The following TRHDE variants were observed in gnomAD, a reference collection of about 807,000 sequenced individuals.
The protein encoded by TRHDE is thyrotropin-releasing hormone-degrading ectoenzyme.
A neutral mutation model predicts 125.7 loss-of-function variants in TRHDE; 72 were observed. The observed-to-expected ratio is 0.57, with a 90% CI of 0.47 to 0.70. The LOEUF (loss-of-function observed/expected upper bound fraction) is 0.70. Ranked by LOEUF, TRHDE falls within the 30% of genes least tolerant of loss-of-function variation. The pLI is 0.00. For missense variants in TRHDE, 1,110 were observed against 1,327.1 expected (o/e 0.84, Z 2.54); for synonymous variants, 509 against 509.1 (o/e 1.00, Z 0.00).
At chr12:72,157,053 A>T (rs1053258380) in intron 2 of TRHDE, among the ~76,000 whole-genome samples, 1 of 152,148 alleles carries the variant, frequency 6.6e-6, no homozygotes, top group Non-Finnish European at 1.5e-5. Flanking sequence ...AGCCAAGCCA[A>T]TATCTGGGGG....
chr12:72,099,563 T>C (rs555297675), intron 1 of TRHDE, among the ~76,000 whole-genome samples: 7 of 152,220 alleles, frequency 4.6e-5, no homozygotes, highest in Non-Finnish European at 1.0e-4. Context: ...GACTCAGCTA[T>C]ATATCAAGAA....
intron 2 of TRHDE, among the ~76,000 whole-genome samples, chr12:72,331,315 T>C (rs376301748): frequency 1.2e-3 from 180 of 152,320 alleles, no homozygotes; most frequent in South Asian, 5.2e-3. Flanking sequence ...TCTTTTCATA[T>C]AGCTTGAGTC....
At chr12:72,563,599 T>C (rs1469217051) in intron 9 of TRHDE, among the ~76,000 whole-genome samples, 2 of 152,190 alleles carry the variant, frequency 1.3e-5, no homozygotes, top group East Asian at 1.9e-4. Context: ...AGAATCTTTA[T>C]TTGTTGTTTC....
chr12:72,352,885 G>A (rs1401383084), intron 2 of TRHDE, among the ~76,000 whole-genome samples: 7 of 151,168 alleles, frequency 4.6e-5, no homozygotes, highest in African/African-American at 9.7e-5. Context: ...GAATTATAAT[G>A]CCTTTAAATT....
At position 72,423,941 on chromosome 12, in the gene TRHDE, A is replaced by G. The variant is rs909940865; in HGVS notation, c.1316-45817A>G. Among the ~76,000 whole-genome samples the G allele has an allele frequency of 4.6e-5, 7 of 152,160 alleles. No homozygotes were observed. In the East Asian group the frequency reaches 5.8e-4, roughly 13 times the overall value. ...GGGCCACTAGCTAAGGACCTCTAGA[A>G]GCTGCAAAGAAGACAAGAAACAGAT... On this transcript the variant is annotated intron_variant, in intron 3 of 18. Transcript: ENST00000261180.
In TRHDE at chr12:72,470,544, C is replaced by T. The variant is rs550629495; in HGVS notation, c.1470+632C>T. Among the ~76,000 whole-genome samples the T allele has an allele frequency of 2.9e-4, 44 of 152,252 alleles. 1 individual carries two copies. Among genetic ancestry groups the T allele is most frequent in the South Asian group, 2.1e-4 (1 of 4,828 alleles). ...ACAATGAATGGAAGGTATTAGATTT[C>T]GCAGTGCTTATGTGAATCTTAATTT... On this transcript the variant is annotated intron_variant, in intron 4 of 18. Transcript: ENST00000261180.
chr12:72,427,949 C>T (rs1472763722), intron 3 of TRHDE, among the ~76,000 whole-genome samples: 1 of 152,152 alleles, frequency 6.6e-6, no homozygotes, highest in Non-Finnish European at 1.5e-5. Context: ...CTAGGTCATA[C>T]CTCCAGAAGT....
At chr12:72,607,219 T>C (rs1017245590) in intron 12 of TRHDE, among the ~76,000 whole-genome samples, 21 of 152,172 alleles carry the variant, frequency 1.4e-4, no homozygotes, top group African/African-American at 4.8e-4. Flanking sequence ...CTTTTATGTG[T>C]TCCTCTGTCC....
chr12:72,118,097 T>A (rs1223487285), intron 2 of TRHDE, among the ~76,000 whole-genome samples: 1 of 152,128 alleles, frequency 6.6e-6, no homozygotes, highest in Non-Finnish European at 1.5e-5. Context: ...GGACTTCTAG[T>A]ACTATGTTTA....
At chr12:72,287,092 G>C in intron 2 of TRHDE, 138 bp downstream of exon 2, 1 of 951,340 alleles carries the variant, frequency 1.1e-6, no homozygotes, top group Non-Finnish European at 1.5e-6. Flanking sequence ...CTTATGGGGG[G>C]GTTTTTACAT....
At chr12:72,089,155 T>C (rs1874734545) in intron 1 of TRHDE, among the ~76,000 whole-genome samples, 1 of 152,162 alleles carries the variant, frequency 6.6e-6, no homozygotes. Context: ...TACATCCACG[T>C]GGCTCTAGCT....
intron 12 of TRHDE, among the ~76,000 whole-genome samples, chr12:72,583,918 A>G (rs12821081): frequency 6.2e-5 from 5 of 81,050 alleles, no homozygotes; most frequent in South Asian, 3.0e-4. Context: ...CTAAAGGATG[A>G]CAAACTTTTT....
At chr12:72,660,444 A>G (rs1166470858) in intron 18 of TRHDE, among the ~76,000 whole-genome samples, 1 of 152,046 alleles carries the variant, frequency 6.6e-6, no homozygotes, top group East Asian at 1.9e-4. Flanking sequence ...GCAGTCTGAT[A>G]AGGAACGGGT....
intron 2 of TRHDE, among the ~76,000 whole-genome samples, chr12:72,193,781 T>C (rs1877384300): frequency 6.6e-6 from 1 of 152,106 alleles, no homozygotes; most frequent in Non-Finnish European, 1.5e-5. Flanking sequence ...AATAAAGAGA[T>C]ATGTTTTCTC....
intron 3 of TRHDE, among the ~76,000 whole-genome samples, chr12:72,392,464 G>A (rs1401143693): frequency 6.6e-6 from 1 of 152,062 alleles, no homozygotes; most frequent in Non-Finnish European, 1.5e-5. Flanking sequence ...GAAAAAATAT[G>A]TGATAGAAAA....
rs147208994 is a variant in TRHDE, at chr12:72,227,714, C to T, written n.279+121962C>T. ...AGCAAATCCCTTCTGCCTATGAGCCCGTAAAATCAAAAGCAAGTTAGTTAC... is the reference window on the plus strand; with the variant it reads ...AGCAAATCCCTTCTGCCTATGAGCCTGTAAAATCAAAAGCAAGTTAGTTAC... On this transcript the variant is annotated intron_variant and non_coding_transcript_variant, in intron 2 of 4. Transcript: ENST00000548156. Among the ~76,000 whole-genome samples the T allele has an allele frequency of 1.1e-3, 171 of 152,254 alleles. 1 individual carries two copies. The East Asian group carries it at 0.017, about 15-fold the overall frequency.
chr12:72,463,454 A>G (rs1350513114), intron 3 of TRHDE, among the ~76,000 whole-genome samples: 7 of 152,232 alleles, frequency 4.6e-5, no homozygotes. Context: ...TATTGCCAGG[A>G]AAAGTCAGTA....
chr12:72,601,792 T>C (rs1276506525), intron 12 of TRHDE, among the ~76,000 whole-genome samples: 1 of 152,182 alleles, frequency 6.6e-6, no homozygotes, highest in Non-Finnish European at 1.5e-5. Context: ...ATAAGGTTAT[T>C]GCACACTAAC....
chr12:72,110,257 G>A (rs1875286193), intron 2 of TRHDE, among the ~76,000 whole-genome samples: 1 of 152,056 alleles, frequency 6.6e-6, no homozygotes, highest in South Asian at 2.1e-4. Context: ...GCGAGGTCAT[G>A]TATATTGACA....
Sources: allele counts gnomAD v4.1 joint callset (sites outside exome capture counted in the v4.1 genomes callset), GRCh38; gene constraint gnomAD v4.1.1; transcripts MANE v1.5; gene names NCBI Gene and HGNC (gene_info 2026-07-23, HGNC 2026-07-21).